Variants in TSPEAR observed in about 807,000 individuals in gnomAD.
The protein encoded by TSPEAR is thrombospondin type laminin G domain and EAR repeats.
In TSPEAR, 69 loss-of-function variants were observed where a neutral mutation model predicts 71.6. That is an observed-to-expected ratio of 0.96 (90% CI 0.79 to 1.18). TSPEAR has a LOEUF of 1.18. Among genes scored for constraint, TSPEAR ranks in the 50% most tolerant of loss-of-function variants. TSPEAR has a pLI of 0.00. For missense variants in TSPEAR, 971 were observed against 894.9 expected, an observed-to-expected ratio of 1.09 and a Z score of -1.09; for synonymous variants, 402 against 387.2, an observed-to-expected ratio of 1.04 and a Z score of -0.45.
chr21:44,573,857 A>C, intron 1 of TSPEAR: 1 of 1,614,068 alleles, frequency 6.2e-7, no homozygotes. Context: ...ACGACTGCCC[A>C]GAGAGCTGCT....
chr21:44,511,867 TAGAG>T (rs1190845473), intron 9 of TSPEAR, among the ~76,000 whole-genome samples: 1 of 152,140 alleles, frequency 6.6e-6, no homozygotes, highest in African/African-American at 2.4e-5. Flanking sequence ...CAGCACTGTG[TAGAG>T]AGAGCTTTAC....
At chr21:44,703,715 C>T (rs1334583515) in intron 1 of TSPEAR, among the ~76,000 whole-genome samples, 3 of 152,204 alleles carry the variant, frequency 2.0e-5, no homozygotes, top group East Asian at 3.9e-4. Flanking sequence ...CCAAAGGGTA[C>T]ATGACCTAGG....
At chr21:44,540,135 T>C in intron 2 of TSPEAR, 4 of 1,613,182 alleles carry the variant, frequency 2.5e-6, no homozygotes, top group Non-Finnish European at 3.4e-6. Flanking sequence ...CAGACGGACA[T>C]GGTGGACGCG....
At position 44,642,680 on chromosome 21, in the gene TSPEAR, A is replaced by G. The variant is rs587680866; in HGVS notation, c.82+68753T>C. Among the ~76,000 whole-genome samples, 1 of 152,242 alleles carries G rather than the reference A, an allele frequency of 6.6e-6. No homozygotes were observed. Among genetic ancestry groups the G allele is most frequent in the Non-Finnish European group, 1.5e-5 (1 of 68,006 alleles). ...AACACGGTGAAACCCCGTCTCTACT[A>G]AAAATACAAAAATTGGCCAGGTGTG... On this transcript the variant is annotated intron_variant, in intron 1 of 11. Transcript: ENST00000323084. This position sits in a 1 kb window ranked among gnomAD's most constrained non-coding sequence, Gnocchi z 4.1.
At chr21:44,514,464 G>A (rs1370563413) in intron 9 of TSPEAR, among the ~76,000 whole-genome samples, 3 of 152,190 alleles carry the variant, frequency 2.0e-5, no homozygotes, top group East Asian at 1.9e-4. Flanking sequence ...CAGCTGTGAC[G>A]AGGGGTCCTT....
At chr21:44,637,958 G>A (rs147625145) in intron 1 of TSPEAR, 1,100 of 1,613,352 alleles carry the variant, frequency 6.8e-4, no homozygotes, top group Non-Finnish European at 8.6e-4. Flanking sequence ...TTGCTGCACC[G>A]CCTCCTGCTG....
intron 1 of TSPEAR, among the ~76,000 whole-genome samples, chr21:44,576,789 C>T (rs1003815770): frequency 5.9e-5 from 9 of 152,072 alleles, no homozygotes; most frequent in African/African-American, 1.9e-4. Flanking sequence ...AAAACCAAGC[C>T]GACTTAAGGG....
intron 2 of TSPEAR, among the ~76,000 whole-genome samples, chr21:44,552,446 C>T (rs1601406598): frequency 1.3e-5 from 2 of 152,294 alleles, no homozygotes; most frequent in Middle Eastern, 6.8e-3. Context: ...GGGGATGAGG[C>T]TACGGCAGCC....
At chr21:44,676,534 G>T in intron 1 of TSPEAR, 1 of 750,798 alleles carries the variant, frequency 1.3e-6, no homozygotes, top group South Asian at 1.5e-5. Context: ...TATATCCAGA[G>T]TAAAGTTGTG....
chr21:44,524,726 C>A (rs1333021140), intron 8 of TSPEAR, among the ~76,000 whole-genome samples: 4 of 151,554 alleles, frequency 2.6e-5, no homozygotes, highest in Admixed American at 2.6e-4. Flanking sequence ...GGTAATCAGT[C>A]AGTGAGACAG....
In TSPEAR at chr21:44,612,840, CCTT is replaced by C; in HGVS notation, c.83-44838_83-44836del. ...TGCTGCCACCCGGCCTCCTGCCTGTCCTTCCTCTGCCGCCCCGCGTGCTCCCGC... is the reference window on the plus strand; with the variant it reads ...TGCTGCCACCCGGCCTCCTGCCTGTCCCTCTGCCGCCCCGCGTGCTCCCGC... On this transcript the variant is annotated intron_variant, in intron 1 of 11. Coordinates refer to ENST00000323084, the MANE Select transcript of TSPEAR (RefSeq NM_144991.3). The surrounding 1 kb of genome is among the most constrained non-coding windows in gnomAD (Gnocchi z 4.1). 1 of 1,612,750 alleles carries C rather than the reference CCTT, an allele frequency of 6.2e-7. No individual in the cohort carries two copies. Among genetic ancestry groups the C allele is most frequent in the Non-Finnish European group, 8.5e-7 (1 of 1,179,778 alleles).
intron 2 of TSPEAR, among the ~76,000 whole-genome samples, chr21:44,547,034 C>A (rs2053313643): frequency 6.6e-6 from 1 of 152,232 alleles, no homozygotes. Flanking sequence ...CACAGGTCTT[C>A]TAAGATTTGT....
At chr21:44,646,398 TCACA>T (rs1188057977) in intron 1 of TSPEAR, 204 of 1,523,282 alleles carry the variant, frequency 1.3e-4, no homozygotes, top group East Asian at 6.4e-4. Flanking sequence ...ACTCACTCAC[TCACA>T]CACACACTCA....
intron 1 of TSPEAR, among the ~76,000 whole-genome samples, chr21:44,589,456 G>A (rs782477349): frequency 7.9e-5 from 12 of 152,196 alleles, no homozygotes; most frequent in Non-Finnish European, 1.2e-4. Context: ...GTACATGGGC[G>A]CACAAATCTG....
intron 5 of TSPEAR, among the ~76,000 whole-genome samples, 199 bp from the exon 6 acceptor site, chr21:44,528,782 A>T (rs2052908084): frequency 6.6e-6 from 1 of 152,220 alleles, no homozygotes; most frequent in Admixed American, 6.5e-5. Flanking sequence ...GTGACGAAGG[A>T]CATCATGATG....
At chr21:44,503,374 G>A (rs1445468162) in intron 11 of TSPEAR, among the ~76,000 whole-genome samples, 1 of 136,390 alleles carries the variant, frequency 7.3e-6, no homozygotes, top group East Asian at 2.4e-4. Flanking sequence ...GCCGGCCTCG[G>A]TGAGCCCTCG....
chr21:44,629,299 C>T (rs797025738), intron 1 of TSPEAR, among the ~76,000 whole-genome samples: 16 of 152,156 alleles, frequency 1.1e-4, no homozygotes, highest in South Asian at 8.3e-4. Flanking sequence ...ACTGGGGGCT[C>T]GAGCCACATA....
chr21:44,670,196 T>C (rs924438499), intron 1 of TSPEAR, among the ~76,000 whole-genome samples: 6 of 152,154 alleles, frequency 3.9e-5, no homozygotes, highest in Non-Finnish European at 8.8e-5. Flanking sequence ...AAGAAGTTCA[T>C]GGTAAATTAT....
rs782224965 is a variant in TSPEAR at position 44,525,810 on chromosome 21, TG to T, written c.1178del (p.Pro393GlnfsTer19). The part of the protein sequence containing the change: ...KIFLAVANFE[P>X]DEKGQEFSVI... ...CAGAGAACTCCTGACCCTTCTCATC[TG>T]GTTCAAAATTAGCCACTGCCAGGAA... On this transcript the variant is annotated frameshift_variant, in exon 8 of 12. Coordinates refer to ENST00000323084, the MANE Select transcript of TSPEAR (RefSeq NM_144991.3). LOFTEE classifies it high-confidence loss of function. 2.4e-5 allele frequency: 38 copies of T among 1,613,996 alleles called. No individual in the cohort carries two copies. In the Admixed American group the frequency reaches 2.5e-4, roughly 11 times the overall value.
Sources: gnomAD v4.1 joint callset for allele counts (sites outside exome capture counted in the v4.1 genomes callset) on GRCh38, gnomAD v4.1.1 for gene constraint, Gnocchi (gnomAD v3.1) non-coding constraint, MANE v1.5 for transcripts, NCBI Gene and HGNC (gene_info 2026-07-23, HGNC 2026-07-21) for gene names.